The following PTPRM variants were observed in gnomAD, a reference collection of about 807,000 sequenced individuals.
PTPRM encodes protein tyrosine phosphatase receptor type M.
In PTPRM, 47 loss-of-function variants were observed where a neutral mutation model predicts 186.7. That is an observed-to-expected ratio of 0.25 (90% CI 0.20 to 0.32). PTPRM has a LOEUF of 0.32. Among genes scored for constraint, PTPRM ranks in the 10% least tolerant of loss-of-function variants. PTPRM has a pLI of 1.00. For synonymous variants in PTPRM, 668 were observed against 674.9 expected, an observed-to-expected ratio of 0.99 and a Z score of 0.16; for missense variants, 1,494 against 1,865.0, an observed-to-expected ratio of 0.80 and a Z score of 3.66.
chr18:8,107,392 G>T (rs1009602422), intron 11 of PTPRM, among the ~76,000 whole-genome samples: 8 of 152,158 alleles, frequency 5.3e-5, no homozygotes, highest in Non-Finnish European at 1.5e-5. Context: ...CATAACTAAA[G>T]AATTTTTTTC....
intron 7 of PTPRM, among the ~76,000 whole-genome samples, chr18:8,035,981 A>G (rs1266664708): frequency 6.6e-6 from 1 of 152,190 alleles, no homozygotes; most frequent in African/African-American, 2.4e-5. Context: ...ATCTTAGAGC[A>G]CCTATGCCTC....
In PTPRM at chr18:7,795,134, G is replaced by A. The variant is rs141163867; in HGVS notation, c.196+20863G>A. Among the ~76,000 whole-genome samples the A allele has an allele frequency of 5.7e-3, 863 of 152,318 alleles. 5 individuals are homozygous for A. Among genetic ancestry groups the A allele is most frequent in the Non-Finnish European group, 9.1e-3 (619 of 68,030 alleles). ...GCTTCACTCAGGCGTTTGGCTGCTG[G>A]CAGGTATTGTGGATCGTCGTTGTTC... On this transcript the variant is annotated intron_variant, in intron 2 of 32. Coordinates refer to ENST00000580170, the MANE Select transcript of PTPRM (RefSeq NM_001105244.2).
chr18:7,687,416 A>T (rs630720), intron 1 of PTPRM, among the ~76,000 whole-genome samples: 22,238 of 152,090 alleles, frequency 0.15, 2,561 homozygotes, highest in East Asian at 0.4. Context: ...GACTTTACCT[A>T]TGGTGGGATT....
At chr18:8,350,381 TC>T (rs1337042492) in intron 23 of PTPRM, among the ~76,000 whole-genome samples, 1 of 152,098 alleles carries the variant, frequency 6.6e-6, no homozygotes, top group Non-Finnish European at 1.5e-5. Flanking sequence ...TGTATAGCTT[TC>T]CCCCCAAACC....
At chr18:7,760,716 G>C (rs1331683829) in intron 1 of PTPRM, among the ~76,000 whole-genome samples, 1 of 152,192 alleles carries the variant, frequency 6.6e-6, no homozygotes, top group Non-Finnish European at 1.5e-5. Context: ...TGTGTTTATA[G>C]AAACACACAC....
intron 2 of PTPRM, among the ~76,000 whole-genome samples, chr18:7,824,401 G>A (rs2045371861): frequency 6.6e-6 from 1 of 152,082 alleles, no homozygotes; most frequent in Non-Finnish European, 1.5e-5. Flanking sequence ...AAGAGCAGGT[G>A]GACGTGGTGA....
intron 20 of PTPRM, among the ~76,000 whole-genome samples, chr18:8,302,127 A>G (rs1261494688): frequency 2.0e-5 from 3 of 152,238 alleles, no homozygotes; most frequent in African/African-American, 7.2e-5. Context: ...AAATGATTAC[A>G]AAATAAAATT....
chr18:8,041,786 T>C (rs2034122237), intron 7 of PTPRM, among the ~76,000 whole-genome samples: 1 of 152,226 alleles, frequency 6.6e-6, no homozygotes, highest in Non-Finnish European at 1.5e-5. Flanking sequence ...GAAAAGTATA[T>C]GTCTATACTC....
At chr18:8,129,932 T>A (rs1431404932) in intron 13 of PTPRM, among the ~76,000 whole-genome samples, 4 of 152,172 alleles carry the variant, frequency 2.6e-5, no homozygotes, top group Non-Finnish European at 5.9e-5. Context: ...AGCACAGTCC[T>A]TAGAGGAGAT....
chr18:8,325,741 T>G (rs2095371883), intron 22 of PTPRM, among the ~76,000 whole-genome samples: 1 of 152,326 alleles, frequency 6.6e-6, no homozygotes, highest in African/African-American at 2.4e-5. Flanking sequence ...GTAAGTTCTT[T>G]GAGAAATTTC....
At chr18:8,390,669 C>G (rs1413185281) in intron 31 of PTPRM, among the ~76,000 whole-genome samples, 1 of 152,212 alleles carries the variant, frequency 6.6e-6, no homozygotes, top group Admixed American at 6.5e-5. Context: ...TGGCTCACGC[C>G]TATAATCCCA....
In PTPRM at chr18:8,070,011, GAT is replaced by G. The variant is rs765003166; in HGVS notation, c.1441+20_1441+21del. On this transcript the variant is annotated intron_variant, in intron 8 of 32. Coordinates refer to ENST00000580170, the MANE Select transcript of PTPRM (RefSeq NM_001105244.2). ...ATGAAGACCGTGAGTACCTTTGAAT[GAT>G]ATGTTTGTGTAAAACATGTTCTTTC... is the stretch of plus-strand genomic sequence containing the variant. 1.3e-6 allele frequency: 2 copies of G among 1,592,796 alleles called. No homozygotes were observed. The highest frequency in any genetic ancestry group is 1.7e-6 in the Non-Finnish European group (2 of 1,166,406).
At chr18:7,676,212 A>G (rs895367899) in intron 1 of PTPRM, among the ~76,000 whole-genome samples, 1 of 152,228 alleles carries the variant, frequency 6.6e-6, no homozygotes, top group Non-Finnish European at 1.5e-5. Context: ...GTGTTTCCAC[A>G]GTATTCTTAG....
intron 2 of PTPRM, chr18:7,887,888 G>A (rs1465905929): frequency 2.8e-6 from 2 of 720,992 alleles, no homozygotes; most frequent in Non-Finnish European, 5.0e-6. Context: ...AACATCCAGG[G>A]AATTTTCCAT....
At chr18:7,852,232 G>A (rs900592397) in intron 2 of PTPRM, among the ~76,000 whole-genome samples, 2 of 152,012 alleles carry the variant, frequency 1.3e-5, no homozygotes, top group Non-Finnish European at 2.9e-5. Context: ...GAAAATGTCT[G>A]TTTGCTGCTT....
intron 6 of PTPRM, among the ~76,000 whole-genome samples, chr18:7,953,046 CT>C (rs1349974044): frequency 6.6e-6 from 1 of 152,196 alleles, no homozygotes; most frequent in East Asian, 1.9e-4. Flanking sequence ...TGTGCTGATT[CT>C]TCTGTAAACC....
chr18:7,963,771 C>G (rs887646216), intron 7 of PTPRM, among the ~76,000 whole-genome samples: 8 of 152,124 alleles, frequency 5.3e-5, no homozygotes, highest in African/African-American at 9.7e-5. Flanking sequence ...TGACCAGCTT[C>G]CTTGTTCTAG....
chr18:7,716,496 T>C (rs1236074713), intron 1 of PTPRM, among the ~76,000 whole-genome samples: 5 of 152,118 alleles, frequency 3.3e-5, no homozygotes. Flanking sequence ...TGGGATCTAA[T>C]TAAACTAAAG....
At chr18:8,163,767 A>G (rs1600935704) in intron 14 of PTPRM, among the ~76,000 whole-genome samples, 2 of 152,274 alleles carry the variant, frequency 1.3e-5, no homozygotes, top group Admixed American at 1.3e-4. Context: ...GTGCAGTGTA[A>G]CATGCTCCAT....
Sources: gnomAD v4.1 joint callset for allele counts (sites outside exome capture counted in the v4.1 genomes callset) on GRCh38, gnomAD v4.1.1 for gene constraint, MANE v1.5 for transcripts, NCBI Gene and HGNC (gene_info 2026-07-23, HGNC 2026-07-21) for gene names.